The following ATRNL1 variants were observed in gnomAD, a reference collection of about 807,000 sequenced individuals.
ATRNL1 encodes attractin like 1.
In ATRNL1, 95 loss-of-function variants were observed where a neutral mutation model predicts 182.7. The observed-to-expected ratio is 0.52, with a 90% CI of 0.44 to 0.62. The LOEUF (loss-of-function observed/expected upper bound fraction) is 0.62, where lower values mean the gene tolerates loss of function less well. Ranked by LOEUF, ATRNL1 falls within the 20% of genes least tolerant of loss-of-function variation. ATRNL1 has a pLI of 0.00. For missense variants in ATRNL1, 1,471 were observed against 1,679.5 expected (o/e 0.88, Z 2.17); for synonymous variants, 576 against 568.3 (o/e 1.01, Z -0.19).
In ATRNL1 at chr10:115,298,967, C is replaced by T. The variant is rs11197151; in HGVS notation, c.2416-1067C>T. On this transcript the variant is annotated intron_variant, in intron 15 of 28. Transcript: ENST00000355044. Reference sequence around the variant, plus strand: ...TCTAGGTGTGGCTATCTTTTAAGATCTCTAGGACTATATGCACATCATAAT... The same window carrying T: ...TCTAGGTGTGGCTATCTTTTAAGATTTCTAGGACTATATGCACATCATAAT... Among the ~76,000 whole-genome samples, 87 of 151,948 alleles carry T rather than the reference C, an allele frequency of 5.7e-4. 1 individual carries two copies. In the East Asian group the frequency reaches 0.016, roughly 27 times the overall value.
chr10:115,707,300 A>G (rs1297237977), intron 26 of ATRNL1, among the ~76,000 whole-genome samples: 1 of 151,846 alleles, frequency 6.6e-6, no homozygotes. Context: ...CTTTTATAGA[A>G]AAGTTCAGAA....
At chr10:115,492,328 G>A (rs1458597064) in intron 24 of ATRNL1, among the ~76,000 whole-genome samples, 5 of 152,082 alleles carry the variant, frequency 3.3e-5, no homozygotes, top group African/African-American at 7.2e-5. Flanking sequence ...GTGGGCATTC[G>A]TCCTTGCCTT....
At chr10:115,652,399 T>G (rs1860069084) in intron 26 of ATRNL1, among the ~76,000 whole-genome samples, 1 of 152,092 alleles carries the variant, frequency 6.6e-6, no homozygotes, top group Non-Finnish European at 1.5e-5. Flanking sequence ...CCTATAAAAT[T>G]CTTGCACTGA....
chr10:115,903,087 A>G (rs1274557553), intron 28 of ATRNL1, among the ~76,000 whole-genome samples: 3 of 152,194 alleles, frequency 2.0e-5, no homozygotes, highest in Non-Finnish European at 2.9e-5. Context: ...TTAAATGTAC[A>G]TAATCTGACA....
intron 27 of ATRNL1, among the ~76,000 whole-genome samples, chr10:115,821,634 C>G (rs1555090385): frequency 6.6e-6 from 1 of 152,112 alleles, no homozygotes; most frequent in African/African-American, 2.4e-5. Context: ...GGTTGCAATC[C>G]TAGCCTCTGA....
intron 8 of ATRNL1, among the ~76,000 whole-genome samples, chr10:115,208,106 T>C (rs1554894208): frequency 6.6e-6 from 1 of 152,054 alleles, no homozygotes; most frequent in Admixed American, 6.6e-5. Flanking sequence ...TTGTGCTAAT[T>C]CTGTTAAATG....
At chr10:115,698,762 G>A (rs1946642308) in intron 26 of ATRNL1, among the ~76,000 whole-genome samples, 1 of 151,446 alleles carries the variant, frequency 6.6e-6, no homozygotes, top group Non-Finnish European at 1.5e-5. Flanking sequence ...TGGCAACAGA[G>A]CGAGACTCCA....
At chr10:115,134,932 A>T (rs1393549261) in intron 5 of ATRNL1, among the ~76,000 whole-genome samples, 17 of 152,064 alleles carry the variant, frequency 1.1e-4, no homozygotes, top group Admixed American at 1.1e-3. Flanking sequence ...CAAAGACAAA[A>T]ACCACATGAT....
At chr10:115,702,490 T>C (rs1555051822) in intron 26 of ATRNL1, among the ~76,000 whole-genome samples, 3 of 151,924 alleles carry the variant, frequency 2.0e-5, no homozygotes, top group African/African-American at 7.2e-5. Context: ...GCTTTGCTGA[T>C]GATATAATTC....
chr10:115,795,917 C>T (rs1212227145), intron 27 of ATRNL1, among the ~76,000 whole-genome samples: 1 of 152,108 alleles, frequency 6.6e-6, no homozygotes, highest in Non-Finnish European at 1.5e-5. Context: ...TCTCCAAAAC[C>T]CATGCTGGGC....
At position 115,554,102 on chromosome 10, in the gene ATRNL1, T is replaced by C. The variant is rs538644270; in HGVS notation, c.3795+4566T>C. On this transcript the variant is annotated intron_variant, in intron 26 of 28. Transcript: ENST00000355044. ...TCAAAGTTCTGTATTTTGTAAATGT[T>C]TAAACATTTTAACATATAGATAAAG... Among the ~76,000 whole-genome samples the C allele has an allele frequency of 4.0e-5, 6 of 151,718 alleles. No individual in the cohort carries two copies. In the South Asian group the frequency reaches 1.2e-3, roughly 31 times the overall value.
intron 25 of ATRNL1, among the ~76,000 whole-genome samples, chr10:115,542,149 A>G (rs184308926): frequency 6.6e-6 from 1 of 152,218 alleles, no homozygotes; most frequent in East Asian, 1.9e-4. Flanking sequence ...CTTATTAGAT[A>G]TTAGTCTTTC....
In ATRNL1 at chr10:115,315,127, CA is replaced by C. The variant is rs150633355; in HGVS notation, c.2819-390del. 1.2e-3 allele frequency among the ~76,000 whole-genome samples: 181 copies of C among 152,268 alleles called. 1 individual carries two copies. The East Asian group carries it at 0.033, about 28-fold the overall frequency. The stretch of plus-strand genomic sequence containing the variant: ...CCACAGGCAGAATACAGAGTTCTTT[CA>C]TTGAATGTCCTTACGAGGCACAATA... On this transcript the variant is annotated intron_variant, in intron 17 of 28. Transcript: ENST00000355044.
chr10:115,509,895 T>C (rs1305982898), intron 24 of ATRNL1, among the ~76,000 whole-genome samples: 1 of 152,026 alleles, frequency 6.6e-6, no homozygotes, highest in Non-Finnish European at 1.5e-5. Flanking sequence ...ATCATTCTAA[T>C]TGCCTTTGAT....
At chr10:115,772,364 C>T (rs185525031) in intron 27 of ATRNL1, among the ~76,000 whole-genome samples, 130 of 152,192 alleles carry the variant, frequency 8.5e-4, no homozygotes, top group Non-Finnish European at 1.1e-3. Context: ...TGTTCCCTTA[C>T]GAAAACGTGA....
At chr10:115,235,494 G>A (rs144333069) in intron 9 of ATRNL1, among the ~76,000 whole-genome samples, 39 of 152,010 alleles carry the variant, frequency 2.6e-4, no homozygotes, top group African/African-American at 8.4e-4. Flanking sequence ...ATGGCCTCCT[G>A]TGTGTGGCTT....
intron 5 of ATRNL1, among the ~76,000 whole-genome samples, chr10:115,148,904 C>T (rs1490301897): frequency 6.6e-6 from 1 of 151,972 alleles, no homozygotes; most frequent in Non-Finnish European, 1.5e-5. Flanking sequence ...TGTGCGCCAC[C>T]ACACCCAGGT....
chr10:115,122,285 GT>G (rs1348878275), intron 3 of ATRNL1, among the ~76,000 whole-genome samples: 1 of 151,736 alleles, frequency 6.6e-6, no homozygotes, highest in Non-Finnish European at 1.5e-5. Flanking sequence ...AAATGTGAGA[GT>G]TTTATTTGTT....
At chr10:115,517,008 T>C (rs1309225668) in intron 24 of ATRNL1, among the ~76,000 whole-genome samples, 4 of 151,924 alleles carry the variant, frequency 2.6e-5, no homozygotes, top group Admixed American at 2.6e-4. Flanking sequence ...AAAGCCAAAA[T>C]AATAGGAGCT....
Sources: allele counts gnomAD v4.1 joint callset (sites outside exome capture counted in the v4.1 genomes callset), GRCh38; gene constraint gnomAD v4.1.1; transcripts MANE v1.5; gene names NCBI Gene and HGNC (gene_info 2026-07-23, HGNC 2026-07-21).